SNTB1: variants seen among roughly 807,000 people sequenced by gnomAD.
SNTB1 encodes the protein beta-1-syntrophin.
SNTB1 carries 36 observed loss-of-function variants against 48.9 expected under a neutral mutation model. The ratio of observed to expected loss-of-function variants is 0.74; its 90% CI spans 0.56 to 0.97. The LOEUF is 0.97. Among genes scored for constraint, SNTB1 ranks in the 50% least tolerant of loss-of-function variants. The pLI is 0.00. For missense variants in SNTB1, 786 were observed against 703.4 expected, an observed-to-expected ratio of 1.12 and a Z score of -1.33; for synonymous variants, 299 against 294.6, an observed-to-expected ratio of 1.01 and a Z score of -0.15.
chr8:120,708,487 G>A (rs1818413692), intron 1 of SNTB1, among the ~76,000 whole-genome samples: 1 of 151,896 alleles, frequency 6.6e-6, no homozygotes, highest in Non-Finnish European at 1.5e-5. Flanking sequence ...AACAAAAGAA[G>A]TCATGGAAAA....
chr8:120,803,238 C>T (rs529333367), intron 1 of SNTB1, among the ~76,000 whole-genome samples: 6 of 152,156 alleles, frequency 3.9e-5, no homozygotes, highest in African/African-American at 1.2e-4. Context: ...TTTTAATTTC[C>T]AACATAATCA....
chr8:120,795,871 C>T (rs1211510724), intron 1 of SNTB1, among the ~76,000 whole-genome samples: 1 of 151,888 alleles, frequency 6.6e-6, no homozygotes, highest in East Asian at 1.9e-4. Context: ...TTCATATGGC[C>T]CCTCCCTATG....
intron 1 of SNTB1, among the ~76,000 whole-genome samples, chr8:120,761,776 T>C (rs761743594): frequency 4.6e-5 from 7 of 152,210 alleles, no homozygotes; most frequent in Non-Finnish European, 8.8e-5. Flanking sequence ...TCTTACACTA[T>C]GGTACAAGTT....
intron 2 of SNTB1, among the ~76,000 whole-genome samples, chr8:120,681,638 A>T (rs190891144): frequency 6.6e-6 from 1 of 152,318 alleles, no homozygotes; most frequent in East Asian, 1.9e-4. Context: ...AGACAGAATG[A>T]TTCTCCCATA....
chr8:120,587,322 TAA>T (rs1816164550), intron 3 of SNTB1, among the ~76,000 whole-genome samples: 1 of 152,226 alleles, frequency 6.6e-6, no homozygotes, highest in Non-Finnish European at 1.5e-5. Context: ...GTGGCAGCTT[TAA>T]GAGTTCAGCA....
intron 1 of SNTB1, among the ~76,000 whole-genome samples, chr8:120,785,285 G>C (rs1024842409): frequency 2.6e-5 from 4 of 152,188 alleles, no homozygotes; most frequent in African/African-American, 9.7e-5. Context: ...ACCAGGAGGG[G>C]TATGGCCTGG....
intron 2 of SNTB1, among the ~76,000 whole-genome samples, chr8:120,641,756 T>G (rs994683749): frequency 5.3e-5 from 8 of 152,238 alleles, no homozygotes; most frequent in African/African-American, 1.9e-4. Context: ...AATAGAATAT[T>G]ACAGTCATCC....
At chr8:120,706,244 C>T (rs1818374317) in intron 1 of SNTB1, among the ~76,000 whole-genome samples, 1 of 152,076 alleles carries the variant, frequency 6.6e-6, no homozygotes, top group African/African-American at 2.4e-5. Flanking sequence ...ATAAAAAGTG[C>T]TTGAAAATAT....
At chr8:120,734,446 C>CAA (rs58092888) in intron 1 of SNTB1, among the ~76,000 whole-genome samples, 8,601 of 109,422 alleles carry the variant, frequency 0.079, 701 homozygotes, top group East Asian at 0.45. Flanking sequence ...GATTCTGTCT[C>CAA]AAAAAAAAAA....
At chr8:120,729,304 T>C (rs1272953539) in intron 1 of SNTB1, among the ~76,000 whole-genome samples, 1 of 152,220 alleles carries the variant, frequency 6.6e-6, no homozygotes. Flanking sequence ...ATAATAGTCA[T>C]TCTGACAGAT....
intron 1 of SNTB1, among the ~76,000 whole-genome samples, chr8:120,718,249 C>A (rs1389287575): frequency 1.3e-5 from 2 of 152,220 alleles, no homozygotes; most frequent in Admixed American, 1.3e-4. Flanking sequence ...TCCTGAGGGT[C>A]ACTGTGCCAC....
intron 4 of SNTB1, among the ~76,000 whole-genome samples, chr8:120,552,009 C>T (rs1815489454): frequency 6.6e-6 from 1 of 152,096 alleles, no homozygotes; most frequent in Non-Finnish European, 1.5e-5. Context: ...TTTCCATACC[C>T]TAAATTTCCA....
At chr8:120,708,954 G>A (rs1275444130) in intron 1 of SNTB1, among the ~76,000 whole-genome samples, 1 of 152,096 alleles carries the variant, frequency 6.6e-6, no homozygotes, top group African/African-American at 2.4e-5. Context: ...TCTATATAAT[G>A]TTGCACTGGA....
Position 120,538,582 on chromosome 8 carries a change from C to T in SNTB1, c.*295G>A. 1 of 487,038 alleles carries T rather than the reference C, an allele frequency of 2.1e-6. No individual in the cohort carries two copies. Among genetic ancestry groups the T allele is most frequent in the Admixed American group, 2.3e-5 (1 of 43,394 alleles). The allele number at this position is 487,038 out of a possible 1,614,324, so 30.2% of individuals were successfully genotyped here. A position where few individuals can be genotyped will look rare whatever the true frequency, so the allele number is the denominator to read the frequency against. The stretch of plus-strand genomic sequence containing the variant: ...CACATGCTGTTCTAATGGTCATGTC[C>T]TTGGTTGTCATTATTTCAAAGCTAT... On this transcript the variant is annotated 3_prime_UTR_variant, in exon 7 of 7. Transcript: ENST00000517992.
At chr8:120,550,930 C>T (rs1815469754) in intron 4 of SNTB1, among the ~76,000 whole-genome samples, 3 of 152,144 alleles carry the variant, frequency 2.0e-5, no homozygotes, top group Non-Finnish European at 2.9e-5. Flanking sequence ...AGTTTTTAGA[C>T]TTGAAAGTGT....
chr8:120,762,217 C>T (rs141629008), intron 1 of SNTB1, among the ~76,000 whole-genome samples: 173 of 152,268 alleles, frequency 1.1e-3, no homozygotes, highest in African/African-American at 3.9e-3. Context: ...CCAGCTGGCA[C>T]GGGGCATGAG....
At chr8:120,682,450 A>G (rs1467649024) in intron 2 of SNTB1, among the ~76,000 whole-genome samples, 1 of 152,196 alleles carries the variant, frequency 6.6e-6, no homozygotes, top group South Asian at 2.1e-4. Flanking sequence ...ACCATTTAGT[A>G]CTTGTTTCCT....
chr8:120,616,351 G>T (rs1019339930), intron 3 of SNTB1, among the ~76,000 whole-genome samples: 1 of 148,748 alleles, frequency 6.7e-6, no homozygotes, highest in Non-Finnish European at 1.5e-5. Flanking sequence ...ATGGCCTGGG[G>T]TACAGTGGTG....
At chr8:120,770,689 G>A (rs1819610377) in intron 1 of SNTB1, among the ~76,000 whole-genome samples, 1 of 151,988 alleles carries the variant, frequency 6.6e-6, no homozygotes, top group East Asian at 1.9e-4. Context: ...GGCAGGCGCC[G>A]GTAATCCTAG....
Sources: gnomAD v4.1 joint callset for allele counts (sites outside exome capture counted in the v4.1 genomes callset) on GRCh38, gnomAD v4.1.1 for gene constraint, MANE v1.5 for transcripts, NCBI Gene and HGNC (gene_info 2026-07-23, HGNC 2026-07-21) for gene names.